Variants in CASP5 observed in about 807,000 individuals in gnomAD.
CASP5 encodes the protein caspase 5, also known as caspase-5.
CASP5 carries 42 observed loss-of-function variants against 45.2 expected under a neutral mutation model. That is an observed-to-expected ratio of 0.93 (90% CI 0.73 to 1.20). The LOEUF is 1.20. Ranked by LOEUF, CASP5 falls within the 50% of genes most tolerant of loss-of-function variation. CASP5 has a pLI of 0.00. For missense variants in CASP5, 512 were observed against 532.2 expected, an observed-to-expected ratio of 0.96 and a Z score of 0.37; for synonymous variants, 209 against 186.2, an observed-to-expected ratio of 1.12 and a Z score of -1.00.
intron 6 of CASP5, among the ~76,000 whole-genome samples, chr11:104,999,869 T>C (rs987453113): frequency 6.6e-6 from 1 of 152,252 alleles, no homozygotes; most frequent in Non-Finnish European, 1.5e-5. Context: ...AATAGGGTGC[T>C]TGTATCACAT....
At chr11:105,015,907 C>A (rs1194128628) in intron 1 of CASP5, among the ~76,000 whole-genome samples, 1 of 152,144 alleles carries the variant, frequency 6.6e-6, no homozygotes, top group African/African-American at 2.4e-5. Context: ...AAGTAAAATA[C>A]AGTAAACATT....
intron 1 of CASP5, among the ~76,000 whole-genome samples, chr11:105,019,011 C>A (rs1862792383): frequency 6.8e-6 from 1 of 147,474 alleles, no homozygotes; most frequent in South Asian, 2.1e-4. Flanking sequence ...TCACTCAAAA[C>A]CACTCAACTA....
At chr11:105,006,584 A>T (rs1054896720) in intron 3 of CASP5, among the ~76,000 whole-genome samples, 3 of 152,176 alleles carry the variant, frequency 2.0e-5, no homozygotes, top group African/African-American at 7.2e-5. Flanking sequence ...ATGCCGCTAG[A>T]GCTAAATGAG....
At chr11:105,010,105 T>C (rs1328934169) in intron 1 of CASP5, among the ~76,000 whole-genome samples, 2 of 150,662 alleles carry the variant, frequency 1.3e-5, no homozygotes, top group Non-Finnish European at 3.0e-5. Flanking sequence ...CAAAATACAT[T>C]TTCTAAAGAA....
intron 8 of CASP5, among the ~76,000 whole-genome samples, chr11:104,996,163 T>C (rs1419040456): frequency 6.6e-6 from 1 of 152,192 alleles, no homozygotes; most frequent in African/African-American, 2.4e-5. Flanking sequence ...GAACTGGATA[T>C]GGAAGATTTA....
chr11:105,022,328 T>C (rs1198985992), intron 1 of CASP5, among the ~76,000 whole-genome samples: 1 of 151,346 alleles, frequency 6.6e-6, no homozygotes, highest in African/African-American at 2.4e-5. Context: ...AATAAATAAA[T>C]TAAAGAAAAA....
At position 105,009,527 on chromosome 11, in the gene CASP5, A is replaced by G. The variant is rs955676298; in HGVS notation, c.8-547T>C. Reference sequence around the variant, plus strand: ...AGTGCTTAATCTGCTTGCTGAATACATAAGTAAACATCCAACTTAATCATT... The same window carrying G: ...AGTGCTTAATCTGCTTGCTGAATACGTAAGTAAACATCCAACTTAATCATT... On this transcript the variant is annotated intron_variant, in intron 1 of 9. Coordinates refer to ENST00000260315, the MANE Select transcript of CASP5 (RefSeq NM_004347.5). 4.6e-5 allele frequency among the ~76,000 whole-genome samples: 7 copies of G among 151,568 alleles called. No individual in the cohort carries two copies. In the East Asian group the frequency reaches 1.2e-3, roughly 25 times the overall value.
chr11:105,008,983 A>G lies in CASP5; in HGVS notation c.8-3T>C, dbSNP rs1469133750. The G allele has an allele frequency of 3.1e-6, 5 of 1,611,756 alleles. No homozygotes were observed. Among genetic ancestry groups the G allele is most frequent in the Non-Finnish European group, 4.2e-6 (5 of 1,179,000 alleles). ...CCTTTTTTTTTTGCCACTGTCTTCT[A>G]TCAGAAATATAAAGACTCCTTCAAC... On this transcript the variant is annotated splice_region_variant and splice_polypyrimidine_tract_variant and intron_variant, in intron 1 of 9. Coordinates refer to ENST00000260315, the MANE Select transcript of CASP5 (RefSeq NM_004347.5).
chr11:105,013,251 G>T (rs1862438695), intron 1 of CASP5, among the ~76,000 whole-genome samples: 1 of 152,038 alleles, frequency 6.6e-6, no homozygotes, highest in African/African-American at 2.4e-5. Flanking sequence ...GTAGAATGGT[G>T]GTGATTAGGA....
intron 1 of CASP5, among the ~76,000 whole-genome samples, chr11:105,021,242 G>C (rs1020646118): frequency 6.6e-6 from 1 of 150,394 alleles, no homozygotes; most frequent in Admixed American, 6.8e-5. Flanking sequence ...TCAGGACATA[G>C]GCATGGGCAA....
intron 1 of CASP5, among the ~76,000 whole-genome samples, chr11:105,018,069 G>A (rs1394753897): frequency 6.6e-6 from 1 of 151,004 alleles, no homozygotes; most frequent in African/African-American, 2.4e-5. Flanking sequence ...CTTCATAAGT[G>A]AAGGAGAAAT....
chr11:104,997,887 G>A (rs922352335), intron 7 of CASP5, among the ~76,000 whole-genome samples: 1 of 152,042 alleles, frequency 6.6e-6, no homozygotes. Flanking sequence ...AACTACCGTC[G>A]GGCTCCAAGA....
intron 8 of CASP5, among the ~76,000 whole-genome samples, chr11:104,996,664 G>A (rs1407324133): frequency 1.3e-5 from 2 of 152,048 alleles, no homozygotes; most frequent in Non-Finnish European, 2.9e-5. Context: ...TATATGTCAG[G>A]CATATTGAGG....
chr11:105,022,700 T>G (rs1019276155), intron 1 of CASP5, among the ~76,000 whole-genome samples: 2 of 152,132 alleles, frequency 1.3e-5, no homozygotes, highest in Non-Finnish European at 2.9e-5. Flanking sequence ...TAATTCAAGA[T>G]AAGAGATGAC....
At chr11:104,997,156 T>C (rs1038306677) in intron 8 of CASP5, among the ~76,000 whole-genome samples, 2 of 152,146 alleles carry the variant, frequency 1.3e-5, no homozygotes, top group African/African-American at 4.8e-5. Flanking sequence ...TAACCCAAAA[T>C]AGGAAGCTTA....
intron 8 of CASP5, among the ~76,000 whole-genome samples, chr11:104,996,872 C>A (rs1861492125): frequency 6.6e-6 from 1 of 152,144 alleles, no homozygotes; most frequent in African/African-American, 2.4e-5. Context: ...TCTGCCCTTT[C>A]CCATGGAAAG....
chr11:105,006,095 T>C (rs1861987464), intron 3 of CASP5, among the ~76,000 whole-genome samples: 1 of 152,176 alleles, frequency 6.6e-6, no homozygotes, highest in Non-Finnish European at 1.5e-5. Flanking sequence ...TTAAAGTCTA[T>C]GGCAAATTGA....
rs1861358004 is a variant in CASP5 at position 104,994,247 on chromosome 11, G to GTCTT, written c.*101_*104dup. 6.6e-6 allele frequency: 1 copy of GTCTT among 152,142 alleles called. No homozygotes were observed. The highest frequency in any genetic ancestry group is 2.4e-5 in the African/African-American group (1 of 41,426). The allele number at this position is 152,142 out of a possible 1,614,324, so 9.4% of individuals were successfully genotyped here. ...AGTTCATACAATCTAAAAAGATACA[G>GTCTT]TCTTTACTTTTATTGAAATACCAAA... On this transcript the variant is annotated 3_prime_UTR_variant, in exon 10 of 10. Coordinates refer to ENST00000260315, the MANE Select transcript of CASP5 (RefSeq NM_004347.5).
chr11:105,002,650 C>T (rs1043705910), intron 4 of CASP5, among the ~76,000 whole-genome samples: 1 of 152,126 alleles, frequency 6.6e-6, no homozygotes, highest in Non-Finnish European at 1.5e-5. Context: ...TATGTCTAGG[C>T]TTTTCAACTG....
Sources: gnomAD v4.1 joint callset for allele counts (sites outside exome capture counted in the v4.1 genomes callset) on GRCh38, gnomAD v4.1.1 for gene constraint, MANE v1.5 for transcripts, NCBI Gene and HGNC (gene_info 2026-07-23, HGNC 2026-07-21) for gene names.